Variants in NUP153 observed in about 807,000 individuals in gnomAD.
NUP153 encodes the protein nuclear pore complex protein Nup153.
Under a neutral mutation model 134.6 loss-of-function variants are expected in NUP153, and 27 were observed. That is an observed-to-expected ratio of 0.20 (90% CI 0.15 to 0.28). The LOEUF (loss-of-function observed/expected upper bound fraction) is 0.28, where lower values mean the gene tolerates loss of function less well. Ranked by LOEUF, NUP153 falls within the 10% of genes least tolerant of loss-of-function variation. NUP153 has a pLI of 1.00. For synonymous variants in NUP153, 640 were observed against 623.5 expected (o/e 1.03, Z -0.40); for missense variants, 1,821 against 1,731.3 (o/e 1.05, Z -0.92).
intron 11 of NUP153, among the ~76,000 whole-genome samples, chr6:17,656,827 C>A (rs1766850004): frequency 6.6e-6 from 1 of 152,118 alleles, no homozygotes; most frequent in African/African-American, 2.4e-5. Context: ...TCTCTTCATG[C>A]CTCTTTATGG....
intron 8 of NUP153, among the ~76,000 whole-genome samples, 194 bp downstream of exon 8, chr6:17,668,781 C>T (rs1458355464): frequency 1.4e-4 from 21 of 151,422 alleles, no homozygotes; most frequent in Non-Finnish European, 4.4e-5. Flanking sequence ...AGCCATAGGT[C>T]GCAGTGAGTC....
chr6:17,658,765 T>C (rs1018006696), intron 11 of NUP153, among the ~76,000 whole-genome samples: 13 of 152,176 alleles, frequency 8.5e-5, no homozygotes, highest in Non-Finnish European at 1.5e-4. Context: ...ACAAACCATT[T>C]CTCAGATTGA....
intron 9 of NUP153, among the ~76,000 whole-genome samples, chr6:17,663,303 C>T (rs1305679315): frequency 6.7e-6 from 1 of 150,162 alleles, no homozygotes; most frequent in Non-Finnish European, 1.5e-5. Flanking sequence ...ACTCTCTCAC[C>T]CAAGCCAGAG....
chr6:17,623,479 G>GT (rs1264135742), intron 20 of NUP153, among the ~76,000 whole-genome samples: 1 of 151,224 alleles, frequency 6.6e-6, no homozygotes, highest in Non-Finnish European at 1.5e-5. Flanking sequence ...ATCAGGAAAA[G>GT]TTTTTATTAT....
chr6:17,655,931 G>T (rs913011241), intron 11 of NUP153, among the ~76,000 whole-genome samples: 1 of 152,124 alleles, frequency 6.6e-6, no homozygotes, highest in African/African-American at 2.4e-5. Flanking sequence ...AGGGCTGGGC[G>T]CAGTGGTTCA....
In NUP153 at chr6:17,625,391, G is replaced by A. The variant is rs1025901924; in HGVS notation, c.3901+417C>T. On this transcript the variant is annotated intron_variant, in intron 19 of 21. Transcript: ENST00000262077. The surrounding 1 kb of genome is among the most constrained non-coding windows in gnomAD (Gnocchi z 4.7). ...CTAAAAATACAAAAATTAGGTGGGT[G>A]TGGTGGCGGGCACCTGTAATCCCAG... 6.6e-6 allele frequency among the ~76,000 whole-genome samples: 1 copy of A among 152,090 alleles called. No individual in the cohort carries two copies. The highest frequency in any genetic ancestry group is 2.4e-5 in the African/African-American group (1 of 41,400).
rs570960126 is a variant in NUP153 at position 17,643,497 on chromosome 6, C to A, written c.1720+2570G>T. ...CCCCAACCATCCCCACCAAAAATAA[C>A]CACCACTCGTACAACTATGCCAAAA... On this transcript the variant is annotated intron_variant, in intron 14 of 21. Transcript: ENST00000262077. Among the ~76,000 whole-genome samples the A allele has an allele frequency of 4.6e-5, 7 of 152,252 alleles. No homozygotes were observed. In the South Asian group the frequency reaches 1.5e-3, roughly 32 times the overall value.
chr6:17,660,042 T>G (rs1378914477), intron 11 of NUP153, among the ~76,000 whole-genome samples: 1 of 152,152 alleles, frequency 6.6e-6, no homozygotes, highest in Non-Finnish European at 1.5e-5. Context: ...CAAGTCAATT[T>G]ATATGGCAGA....
intron 14 of NUP153, among the ~76,000 whole-genome samples, chr6:17,642,085 A>G (rs924134078): frequency 1.3e-5 from 2 of 152,220 alleles, no homozygotes; most frequent in Non-Finnish European, 2.9e-5. Flanking sequence ...CAAAAATTCA[A>G]AATGGATCAA....
intron 1 of NUP153, among the ~76,000 whole-genome samples, chr6:17,694,820 TAAA>T (rs918874855): frequency 6.7e-6 from 1 of 148,826 alleles, no homozygotes; most frequent in Non-Finnish European, 1.5e-5. Flanking sequence ...CTACTAAAAA[TAAA>T]AAAAAAGTAG....
chr6:17,695,878 G>A lies in NUP153; in HGVS notation c.112-7260C>T, dbSNP rs550678970. On this transcript the variant is annotated intron_variant, in intron 1 of 21. Transcript: ENST00000262077. ...CAAAAAATTAGCTGGACATGGTGGC[G>A]GGCACCTGTAGTCCCAGCTTCTCAG... Among the ~76,000 whole-genome samples, 175 of 152,120 alleles carry A rather than the reference G, an allele frequency of 1.2e-3. 1 individual carries two copies. Among genetic ancestry groups the A allele is most frequent in the Non-Finnish European group, 2.2e-3 (152 of 67,980 alleles).
In NUP153 at chr6:17,638,336, A is replaced by G. The variant is rs1274072693; in HGVS notation, c.1847-566T>C. ...TTTACTCATGAGAATGACTTTTGTA[A>G]TTGTTTACTTAGGACCAGTTAACTT... On this transcript the variant is annotated intron_variant, in intron 15 of 21. Transcript: ENST00000262077. The surrounding 1 kb of genome is among the most constrained non-coding windows in gnomAD (Gnocchi z 4.0). Among the ~76,000 whole-genome samples the G allele has an allele frequency of 1.3e-5, 2 of 152,204 alleles. No homozygotes were observed. Among genetic ancestry groups the G allele is most frequent in the African/African-American group, 2.4e-5 (1 of 41,458 alleles).
rs996931952 is a variant in NUP153, at chr6:17,638,372, C to T, written c.1847-602G>A. 2.0e-5 allele frequency among the ~76,000 whole-genome samples: 3 copies of T among 152,200 alleles called. No homozygotes were observed. The highest frequency in any genetic ancestry group is 4.4e-5 in the Non-Finnish European group (3 of 68,044). ...AGGACCAGTTAACTTTTGTCTTACA[C>T]ACAACACCACCATCTGTGATCTGTT... On this transcript the variant is annotated intron_variant, in intron 15 of 21. Coordinates refer to ENST00000262077, the MANE Select transcript of NUP153 (RefSeq NM_005124.4). The surrounding 1 kb of genome is among the most constrained non-coding windows in gnomAD (Gnocchi z 4.0).
At chr6:17,685,012 A>G (rs1257846229) in intron 2 of NUP153, among the ~76,000 whole-genome samples, 5 of 152,262 alleles carry the variant, frequency 3.3e-5, no homozygotes, top group Non-Finnish European at 5.9e-5. Flanking sequence ...TACTGCAAGA[A>G]TTACCAAAGT....
At chr6:17,671,808 G>T (rs1032863502) in intron 5 of NUP153, among the ~76,000 whole-genome samples, 1 of 152,122 alleles carries the variant, frequency 6.6e-6, no homozygotes, top group African/African-American at 2.4e-5. Flanking sequence ...AGGAGTTCGA[G>T]ACCAGCCTGG....
chr6:17,638,738 T>C lies in NUP153; in HGVS notation c.1847-968A>G, dbSNP rs1184030984. 6.6e-6 allele frequency among the ~76,000 whole-genome samples: 1 copy of C among 152,214 alleles called. No individual in the cohort carries two copies. The highest frequency in any genetic ancestry group is 1.5e-5 in the Non-Finnish European group (1 of 68,034). ...AAAAGGGAGCAGGGGGAGGTTGGCA[T>C]CATGAATGCAAAGTGTAACCCCAGA... is the stretch of plus-strand genomic sequence containing the variant. On this transcript the variant is annotated intron_variant, in intron 15 of 21. Coordinates refer to ENST00000262077, the MANE Select transcript of NUP153 (RefSeq NM_005124.4). The surrounding 1 kb of genome is among the most constrained non-coding windows in gnomAD (Gnocchi z 4.0).
chr6:17,630,719 G>A (rs1765201039), intron 17 of NUP153, among the ~76,000 whole-genome samples: 1 of 147,394 alleles, frequency 6.8e-6, no homozygotes, highest in African/African-American at 2.5e-5. Flanking sequence ...CGAGAGGGGA[G>A]GGGAGACAAG....
At chr6:17,637,890 AACTACTTAAGAATTGTTTT>A in intron 15 of NUP153, 120 bp from the exon 16 acceptor site, 1 of 1,090,324 alleles carries the variant, frequency 9.2e-7, no homozygotes, top group South Asian at 1.8e-5. Flanking sequence ...ATCCAAGATG[AACTACTTAAGAATTGTTTT>A]TCACTTAAGT....
intron 5 of NUP153, among the ~76,000 whole-genome samples, chr6:17,669,988 G>A (rs576290088): frequency 2.6e-5 from 4 of 151,026 alleles, no homozygotes; most frequent in East Asian, 3.9e-4. Flanking sequence ...CCAGCTACTC[G>A]AGAGGCTGAG....
Sources: gnomAD v4.1 joint callset for allele counts (sites outside exome capture counted in the v4.1 genomes callset) on GRCh38, gnomAD v4.1.1 for gene constraint, Gnocchi (gnomAD v3.1) non-coding constraint, MANE v1.5 for transcripts, NCBI Gene and HGNC (gene_info 2026-07-23, HGNC 2026-07-21) for gene names.